Variants in CRLF3 observed in about 807,000 individuals in gnomAD.
The protein encoded by CRLF3 is cytokine receptor-like factor 3.
CRLF3 carries 33 observed loss-of-function variants against 55.0 expected under a neutral mutation model. The ratio of observed to expected loss-of-function variants is 0.60; its 90% CI spans 0.46 to 0.80. The LOEUF (loss-of-function observed/expected upper bound fraction) is 0.80. CRLF3 is among the 30% of genes least tolerant of loss of function. The pLI is 0.00. For missense variants in CRLF3, 494 were observed against 538.4 expected (o/e 0.92, Z 0.82); for synonymous variants, 238 against 196.8 (o/e 1.21, Z -1.75).
At chr17:30,790,169 T>C (rs1010865785) in intron 6 of CRLF3, among the ~76,000 whole-genome samples, 1 of 152,138 alleles carries the variant, frequency 6.6e-6, no homozygotes, top group African/African-American at 2.4e-5. Flanking sequence ...AGATAAAATA[T>C]TCAGATATTC....
At chr17:30,819,567 T>C (rs565097461) in intron 1 of CRLF3, among the ~76,000 whole-genome samples, 1 of 152,300 alleles carries the variant, frequency 6.6e-6, no homozygotes, top group African/African-American at 2.4e-5. Context: ...AACCTCCGCC[T>C]GCCCGGCTCA....
chr17:30,787,435 T>C (rs1199501244), intron 6 of CRLF3: 1 of 152,178 alleles, frequency 6.6e-6, no homozygotes, highest in African/African-American at 2.4e-5. Context: ...TGTTTTCATT[T>C]CAGATGTCAG....
intron 1 of CRLF3, among the ~76,000 whole-genome samples, chr17:30,821,092 T>C (rs1904982813): frequency 6.8e-6 from 1 of 147,564 alleles, no homozygotes; most frequent in Non-Finnish European, 1.5e-5. Context: ...GGCTCAAGCC[T>C]GTAATCCTAA....
rs758156562 is a variant in CRLF3, at chr17:30,785,910, A to T, written c.1072+9T>A. 1.9e-5 allele frequency: 26 copies of T among 1,405,036 alleles called. No individual in the cohort carries two copies. Among genetic ancestry groups the T allele is most frequent in the Non-Finnish European group, 3.0e-6 (3 of 996,200 alleles). The allele number at this position is 1,405,036 out of a possible 1,614,324, so 87.0% of individuals were successfully genotyped here. Reference sequence around the variant, plus strand: ...ATTTCCAAGAGAATGACAGTTATTTATCTCTTACCATTTGTACTAATGCAC... The same window carrying T: ...ATTTCCAAGAGAATGACAGTTATTTTTCTCTTACCATTTGTACTAATGCAC... On this transcript the variant is annotated intron_variant, in intron 7 of 7. Coordinates refer to ENST00000324238, the MANE Select transcript of CRLF3 (RefSeq NM_015986.4).
rs1468540759 is a variant in CRLF3, at chr17:30,783,010, T to C, written c.*1177A>G. ...TTCAAATAAATATTTTACACACAAA[T>C]TTAAGTAAGTTTTTAAAAAAAATAA... is the stretch of plus-strand genomic sequence containing the variant. On this transcript the variant is annotated 3_prime_UTR_variant, in exon 8 of 8. Coordinates refer to ENST00000324238, the MANE Select transcript of CRLF3 (RefSeq NM_015986.4). The C allele has an allele frequency of 6.6e-6, 1 of 152,200 alleles. No homozygotes were observed. The highest frequency in any genetic ancestry group is 2.4e-5 in the African/African-American group (1 of 41,454). The allele number at this position is 152,200 out of a possible 1,614,324, so 9.4% of individuals were successfully genotyped here.
chr17:30,784,926 T>G (rs767754440), intron 7 of CRLF3: 10 of 155,878 alleles, frequency 6.4e-5, no homozygotes, highest in Non-Finnish European at 1.3e-4. Flanking sequence ...ATTTTTGTAT[T>G]TGTAGTGGAG....
At position 30,785,936 on chromosome 17, in the gene CRLF3, A is replaced by G; in HGVS notation, c.1055T>C (p.Val352Ala). ...GYDSLQRDQA[V>A]CISTNGAVFV... ...TCTCTTACCATTTGTACTAATGCAC[A>G]CAGCTTGATCCCGCTGCAGAGAGTC... Residue 352 changes from valine to alanine, a missense_variant, in exon 7 of 8, where the codon GTG becomes GCG. Physicochemically the swap from Val to Ala is moderately conservative, Grantham distance 64. Transcript: ENST00000324238. The G allele has an allele frequency of 6.3e-7, 1 of 1,594,638 alleles. No individual in the cohort carries two copies. The highest frequency in any genetic ancestry group is 8.6e-7 in the Non-Finnish European group (1 of 1,162,818).
In CRLF3 at chr17:30,784,456, G is replaced by C. The variant is rs780082061; in HGVS notation, c.1073-13C>G. ...ACAAAAACTGCACCTAAAATGTTAA[G>C]GTAAAGAGTCATTTACATGTGAGCA... On this transcript the variant is annotated splice_polypyrimidine_tract_variant and intron_variant, in intron 7 of 7. Coordinates refer to ENST00000324238, the MANE Select transcript of CRLF3 (RefSeq NM_015986.4). 1.2e-6 allele frequency: 2 copies of C among 1,602,152 alleles called. No individual in the cohort carries two copies. The highest frequency in any genetic ancestry group is 1.7e-6 in the Non-Finnish European group (2 of 1,170,270).
At chr17:30,820,245 A>G (rs1286695476) in intron 1 of CRLF3, among the ~76,000 whole-genome samples, 1 of 152,206 alleles carries the variant, frequency 6.6e-6, no homozygotes, top group Non-Finnish European at 1.5e-5. Flanking sequence ...AAACTTAACC[A>G]CAAGAGGAGA....
intron 1 of CRLF3, among the ~76,000 whole-genome samples, chr17:30,822,133 G>A (rs192015145): frequency 6.7e-6 from 1 of 149,266 alleles, no homozygotes; most frequent in African/African-American, 2.5e-5. Flanking sequence ...AAAAAATACA[G>A]ACGACAGGTG....
intron 7 of CRLF3, among the ~76,000 whole-genome samples, chr17:30,785,354 C>T (rs908049898): frequency 5.9e-5 from 9 of 151,552 alleles, no homozygotes; most frequent in African/African-American, 1.5e-4. Context: ...GGATTAGAGG[C>T]GTGATCCACC....
rs936338765 is a variant in CRLF3 at position 30,783,926 on chromosome 17, C to A, written c.*261G>T. The A allele has an allele frequency of 5.1e-6, 2 of 392,630 alleles. No individual in the cohort carries two copies. The highest frequency in any genetic ancestry group is 9.2e-6 in the Non-Finnish European group (2 of 217,568). 24.3% of individuals were successfully genotyped at this position (392,630 alleles called of 1,614,324 possible). On this transcript the variant is annotated 3_prime_UTR_variant, in exon 8 of 8. Coordinates refer to ENST00000324238, the MANE Select transcript of CRLF3 (RefSeq NM_015986.4). ...AAGGGTATAGAACTTCCTATATCTT[C>A]TATACTTTTAATGCCAATTTGATTT...
chr17:30,785,994 T>C lies in CRLF3; in HGVS notation c.997A>G (p.Ile333Val), dbSNP rs1971638022. 1.2e-6 allele frequency: 2 copies of C among 1,612,864 alleles called. No individual in the cohort carries two copies. Among genetic ancestry groups the C allele is most frequent in the East Asian group, 2.2e-5 (1 of 44,880 alleles). Residue 333 changes from isoleucine to valine, a missense_variant, in exon 7 of 8, where the codon ATA (isoleucine) becomes GTA (valine). Ile to Val is a conservative substitution (Grantham distance 29). Coordinates refer to ENST00000324238, the MANE Select transcript of CRLF3 (RefSeq NM_015986.4). ...TVGQPDRRDS[I>V]GVCAEKQDGY... ...TCCTGTTTTTCTGCACACACTCCTA[T>C]GCTATCTCTTCTGTCTGGCTGTCCC...
chr17:30,817,904 C>CAAAA (rs924297403), intron 1 of CRLF3, among the ~76,000 whole-genome samples: 1 of 61,318 alleles, frequency 1.6e-5, no homozygotes, highest in Non-Finnish European at 3.1e-5. Context: ...GACTCCATCC[C>CAAAA]AAAAAAAAAA....
chr17:30,811,118 C>A (rs939588721), intron 1 of CRLF3, among the ~76,000 whole-genome samples: 1 of 151,894 alleles, frequency 6.6e-6, no homozygotes, highest in East Asian at 1.9e-4. Context: ...AAAAAGAAAA[C>A]CACATATATA....
chr17:30,794,887 CAG>C (rs568086468), intron 4 of CRLF3, among the ~76,000 whole-genome samples: 11 of 152,272 alleles, frequency 7.2e-5, no homozygotes, highest in African/African-American at 2.2e-4. Flanking sequence ...TATGGAATAA[CAG>C]AAACTCATAT....
chr17:30,795,403 G>A (rs1051072251), intron 4 of CRLF3, among the ~76,000 whole-genome samples: 3 of 152,030 alleles, frequency 2.0e-5, no homozygotes, highest in Non-Finnish European at 4.4e-5. Context: ...GGCTGAGGCA[G>A]GAGGATTGCT....
intron 4 of CRLF3, 78 bp downstream of exon 4, chr17:30,796,082 T>C: frequency 1.0e-6 from 1 of 995,082 alleles, no homozygotes; most frequent in Non-Finnish European, 1.4e-6. Flanking sequence ...TTAAAAGTAG[T>C]CAACGAAAAA....
chr17:30,824,235 T>C (rs980511002), intron 1 of CRLF3, among the ~76,000 whole-genome samples: 4 of 151,556 alleles, frequency 2.6e-5, no homozygotes, highest in African/African-American at 9.7e-5. Flanking sequence ...GATTCTGCTC[T>C]GGTCCCTCAC....
Sources: gnomAD v4.1 joint callset for allele counts (sites outside exome capture counted in the v4.1 genomes callset) on GRCh38, gnomAD v4.1.1 for gene constraint, MANE v1.5 for transcripts, NCBI Gene and HGNC (gene_info 2026-07-23, HGNC 2026-07-21) for gene names.